MAP2K5: variants seen among roughly 807,000 people sequenced by gnomAD.
The protein encoded by MAP2K5 is dual specificity mitogen-activated protein kinase kinase 5.
In MAP2K5, 49 loss-of-function variants were observed where a neutral mutation model predicts 83.1. The ratio of observed to expected loss-of-function variants is 0.59; its 90% CI spans 0.47 to 0.75. The LOEUF is 0.75. Ranked by LOEUF, MAP2K5 falls within the 30% of genes least tolerant of loss-of-function variation. The probability of loss-of-function intolerance (pLI) is 0.00; values close to 1 mark genes in which losing one functional copy is unlikely to be tolerated. For missense variants in MAP2K5, 457 were observed against 557.5 expected, an observed-to-expected ratio of 0.82 and a Z score of 1.82; for synonymous variants, 202 against 191.8, an observed-to-expected ratio of 1.05 and a Z score of -0.44.
At position 67,770,088 on chromosome 15, in the gene MAP2K5, A is replaced by G. The variant is rs1566958551; in HGVS notation, c.1196+425A>G. On this transcript the variant is annotated intron_variant, in intron 20 of 21. Coordinates refer to ENST00000178640, the MANE Select transcript of MAP2K5 (RefSeq NM_145160.3). This position sits in a 1 kb window ranked among gnomAD's most constrained non-coding sequence, Gnocchi z 5.0. Reference sequence around the variant, plus strand: ...TAGTTTATTAATTCATCGGATTTTCAGTAAATAACTTTTATCTTTGGTTGT... The same window carrying G: ...TAGTTTATTAATTCATCGGATTTTCGGTAAATAACTTTTATCTTTGGTTGT... 6.6e-6 allele frequency among the ~76,000 whole-genome samples: 1 copy of G among 152,188 alleles called. No individual in the cohort carries two copies. Among genetic ancestry groups the G allele is most frequent in the Non-Finnish European group, 1.5e-5 (1 of 68,036 alleles).
rs35988425 is a variant in MAP2K5 at position 67,737,844 on chromosome 15, C to CTTTTTTT, written c.1074+9918_1074+9924dup. On this transcript the variant is annotated intron_variant, in intron 17 of 21. Coordinates refer to ENST00000178640, the MANE Select transcript of MAP2K5 (RefSeq NM_145160.3). ...AGAACAGCTTGGGGAATAGAATAGT[C>CTTTTTTT]TTTTTTTTTTTTTTTTTTTTTTTTT... Among the ~76,000 whole-genome samples, 15 of 69,306 alleles carry CTTTTTTT rather than the reference C, an allele frequency of 2.2e-4. 1 individual carries two copies. Among genetic ancestry groups the CTTTTTTT allele is most frequent in the South Asian group, 7.5e-4 (1 of 1,336 alleles). 45.5% of individuals were successfully genotyped at this position (69,306 alleles called of 152,430 possible).
In MAP2K5 at chr15:67,772,594, T is replaced by C. The variant is rs997926747; in HGVS notation, c.1197-113T>C. On this transcript the variant is annotated intron_variant, in intron 20 of 21. Transcript: ENST00000178640. Reference sequence around the variant, plus strand: ...TAATACTTTGGCCAAGAATTGAACATGATGTATTTTGAAAACATTCAAATT... The same window carrying C: ...TAATACTTTGGCCAAGAATTGAACACGATGTATTTTGAAAACATTCAAATT... 29 of 607,540 alleles carry C rather than the reference T, an allele frequency of 4.8e-5. No individual in the cohort carries two copies. The African/African-American group carries it at 4.9e-4, about 10-fold the overall frequency. The allele number at this position is 607,540 out of a possible 1,614,324, so 37.6% of individuals were successfully genotyped here. A position where few individuals can be genotyped will look rare whatever the true frequency, so the allele number is the denominator to read the frequency against.
chr15:67,584,247 C>T (rs1344808900), intron 4 of MAP2K5, among the ~76,000 whole-genome samples: 1 of 152,154 alleles, frequency 6.6e-6, no homozygotes, highest in Admixed American at 6.5e-5. Context: ...TTTTTGACTG[C>T]TGTTTACATC....
chr15:67,654,187 G>A (rs1439696371), intron 11 of MAP2K5, among the ~76,000 whole-genome samples: 1 of 151,912 alleles, frequency 6.6e-6, no homozygotes, highest in Non-Finnish European at 1.5e-5. Flanking sequence ...TTCAGTTTAT[G>A]TTTCATATAT....
chr15:67,768,051 T>G lies in MAP2K5; in HGVS notation c.1135-1551T>G, dbSNP rs745213. ...GTTTCTTTTCTTGTAGCCTCTTCGG[T>G]GTTTTTTGTTGTCTGTTTTTTGTTG... On this transcript the variant is annotated intron_variant, in intron 19 of 21. Transcript: ENST00000178640. This position sits in a 1 kb window ranked among gnomAD's most constrained non-coding sequence, Gnocchi z 4.0. Among the ~76,000 whole-genome samples the G allele has an allele frequency of 0.76, 114,853 of 151,972 alleles. 44,139 individuals are homozygous for G. The highest frequency in any genetic ancestry group is 0.81 in the Non-Finnish European group (55,286 of 67,958).
At chr15:67,641,326 A>G (rs1188081423) in intron 9 of MAP2K5, 2 of 198,030 alleles carry the variant, frequency 1.0e-5, no homozygotes, top group Non-Finnish European at 1.0e-5. Context: ...ATCCTCCCAA[A>G]TTTCCTTTCT....
At chr15:67,651,290 TTTG>T (rs2086947317) in intron 11 of MAP2K5, among the ~76,000 whole-genome samples, 1 of 152,194 alleles carries the variant, frequency 6.6e-6, no homozygotes, top group African/African-American at 2.4e-5. Flanking sequence ...ATAATAATAT[TTTG>T]ACACAAGCAT....
intron 6 of MAP2K5, among the ~76,000 whole-genome samples, chr15:67,590,192 A>C (rs2085368386): frequency 6.6e-6 from 1 of 152,200 alleles, no homozygotes; most frequent in Non-Finnish European, 1.5e-5. Flanking sequence ...CTCAGTCTCC[A>C]TAGTTTACAT....
At chr15:67,645,595 C>G (rs2086813747) in intron 9 of MAP2K5, among the ~76,000 whole-genome samples, 1 of 152,104 alleles carries the variant, frequency 6.6e-6, no homozygotes, top group South Asian at 2.1e-4. Context: ...TCTCTTTCAC[C>G]CAGGTGGGAG....
chr15:67,802,045 G>C lies in MAP2K5; in HGVS notation c.1243-4601G>C, dbSNP rs1031850774. Among the ~76,000 whole-genome samples the C allele has an allele frequency of 6.6e-6, 1 of 152,142 alleles. No homozygotes were observed. The highest frequency in any genetic ancestry group is 1.5e-5 in the Non-Finnish European group (1 of 68,010). ...AGCACCCACACACTGCGGCAGGCTCGGAGCCTCCATTCTTGCCCACAAGAT... is the reference window on the plus strand; with the variant it reads ...AGCACCCACACACTGCGGCAGGCTCCGAGCCTCCATTCTTGCCCACAAGAT... On this transcript the variant is annotated intron_variant, in intron 21 of 21. Transcript: ENST00000178640. This position sits in a 1 kb window ranked among gnomAD's most constrained non-coding sequence, Gnocchi z 5.0.
Position 67,779,640 on chromosome 15 carries a change from C to G in MAP2K5, c.1242+6888C>G, listed in dbSNP as rs891091424. Reference sequence around the variant, plus strand: ...AGCTTTTTTCCTCCATCAGTCAAGTCAGATCTCTTAGTATGATGATGACTT... The same window carrying G: ...AGCTTTTTTCCTCCATCAGTCAAGTGAGATCTCTTAGTATGATGATGACTT... On this transcript the variant is annotated intron_variant, in intron 21 of 21. Coordinates refer to ENST00000178640, the MANE Select transcript of MAP2K5 (RefSeq NM_145160.3). This position sits in a 1 kb window ranked among gnomAD's most constrained non-coding sequence, Gnocchi z 4.6. Among the ~76,000 whole-genome samples, 1 of 152,222 alleles carries G rather than the reference C, an allele frequency of 6.6e-6. No individual in the cohort carries two copies. The highest frequency in any genetic ancestry group is 1.5e-5 in the Non-Finnish European group (1 of 68,042).
intron 3 of MAP2K5, among the ~76,000 whole-genome samples, chr15:67,564,049 C>T (rs1237589580): frequency 6.6e-6 from 1 of 152,200 alleles, no homozygotes; most frequent in Non-Finnish European, 1.5e-5. Context: ...GTGCCTTCCT[C>T]TCAAGTTTTG....
intron 16 of MAP2K5, among the ~76,000 whole-genome samples, chr15:67,714,793 AATGGGAGCATTTAGGAT>A (rs1382710032): frequency 6.6e-6 from 1 of 152,196 alleles, no homozygotes; most frequent in African/African-American, 2.4e-5. Context: ...AGGTCACACT[AATGGGAGCATTTAGGAT>A]TTCAGGTTTT....
At chr15:67,600,034 C>T (rs1416353818) in intron 7 of MAP2K5, among the ~76,000 whole-genome samples, 1 of 152,112 alleles carries the variant, frequency 6.6e-6, no homozygotes, top group African/African-American at 2.4e-5. Context: ...ATAAAAATTA[C>T]ATGCCTATGT....
At chr15:67,646,068 A>C (rs977884776) in intron 9 of MAP2K5, among the ~76,000 whole-genome samples, 163 bp from the exon 10 acceptor site, 2 of 152,172 alleles carry the variant, frequency 1.3e-5, no homozygotes, top group African/African-American at 4.8e-5. Flanking sequence ...ACAAAAGGTT[A>C]GACAGATGCA....
intron 19 of MAP2K5, among the ~76,000 whole-genome samples, chr15:67,761,415 G>A (rs1201643493): frequency 6.6e-6 from 1 of 152,214 alleles, no homozygotes; most frequent in Non-Finnish European, 1.5e-5. Flanking sequence ...TGCAGCTGAA[G>A]CAGCCTTTGA....
At chr15:67,753,529 G>T (rs970896668) in intron 19 of MAP2K5, among the ~76,000 whole-genome samples, 4 of 152,080 alleles carry the variant, frequency 2.6e-5, no homozygotes, top group African/African-American at 9.7e-5. Context: ...AAAATGGGGA[G>T]AGGATTTAAA....
At chr15:67,686,997 C>A (rs1365955951) in intron 13 of MAP2K5, among the ~76,000 whole-genome samples, 2 of 152,164 alleles carry the variant, frequency 1.3e-5, no homozygotes, top group East Asian at 3.9e-4. Context: ...TTAAACACAG[C>A]AAACTTTTGA....
In MAP2K5 at chr15:67,702,458, T is replaced by C. The variant is rs771776731; in HGVS notation, c.973-879T>C. On this transcript the variant is annotated intron_variant, in intron 15 of 21. Transcript: ENST00000178640. The surrounding 1 kb of genome is among the most constrained non-coding windows in gnomAD (Gnocchi z 4.6). ...GGGGTGTAAGTTATGATCTCAGCCT[T>C]GCCATGATTAGCCTGTAACCTTTAG... Among the ~76,000 whole-genome samples, 2 of 152,208 alleles carry C rather than the reference T, an allele frequency of 1.3e-5. No individual in the cohort carries two copies. Among genetic ancestry groups the C allele is most frequent in the African/African-American group, 2.4e-5 (1 of 41,444 alleles).
Sources: gnomAD v4.1 joint callset for allele counts (sites outside exome capture counted in the v4.1 genomes callset) on GRCh38, gnomAD v4.1.1 for gene constraint, Gnocchi (gnomAD v3.1) non-coding constraint, MANE v1.5 for transcripts, NCBI Gene and HGNC (gene_info 2026-07-23, HGNC 2026-07-21) for gene names.